ANAPC5: variants seen among roughly 807,000 people sequenced by gnomAD.
ANAPC5 encodes the protein anaphase-promoting complex subunit 5.
Under a neutral mutation model 91.3 loss-of-function variants are expected in ANAPC5, and 60 were observed. The ratio of observed to expected loss-of-function variants is 0.66; its 90% CI spans 0.53 to 0.81. The LOEUF (loss-of-function observed/expected upper bound fraction) is 0.81, where lower values mean the gene tolerates loss of function less well. Ranked by LOEUF, ANAPC5 falls within the 40% of genes least tolerant of loss-of-function variation. The pLI, the probability that ANAPC5 is intolerant of heterozygous loss-of-function variation, is 0.00. For missense variants in ANAPC5, 690 were observed against 931.5 expected, an observed-to-expected ratio of 0.74 and a Z score of 3.37; for synonymous variants, 340 against 364.1, an observed-to-expected ratio of 0.93 and a Z score of 0.75.
intron 15 of ANAPC5, among the ~76,000 whole-genome samples, chr12:121,310,804 C>T (rs1390124418): frequency 2.0e-5 from 3 of 151,572 alleles, no homozygotes; most frequent in African/African-American, 4.9e-5. Flanking sequence ...CATAGTGGCA[C>T]GCACCTGTAA....
rs1555272518 is a variant in ANAPC5, at chr12:121,328,319, C to T, written c.1301G>A (p.Arg434His). The T allele has an allele frequency of 4.3e-6, 7 of 1,613,542 alleles. No homozygotes were observed. Among genetic ancestry groups the T allele is most frequent in the Non-Finnish European group, 5.9e-6 (7 of 1,179,900 alleles). Residue 434 changes from arginine to histidine, a missense_variant, in exon 10 of 17, where the codon CGC (arginine) becomes CAC (histidine). Transcript: ENST00000261819. ...QKTAIWRLYG[R>H]STMALQQAQM... ...CCCAGGGCCTTGGGAGACCTACCTGCGGCCATACAGCCTCCAGATGGCCGT... is the reference window on the plus strand; with the variant it reads ...CCCAGGGCCTTGGGAGACCTACCTGTGGCCATACAGCCTCCAGATGGCCGT...
At chr12:121,351,007 G>A in intron 1 of ANAPC5, 1 of 413,370 alleles carries the variant, frequency 2.4e-6, no homozygotes, top group Non-Finnish European at 4.8e-6. Flanking sequence ...CCATTTTACA[G>A]AGAGAAAACT....
chr12:121,312,686 G>A (rs541203866), intron 15 of ANAPC5, among the ~76,000 whole-genome samples: 2 of 125,108 alleles, frequency 1.6e-5, no homozygotes, highest in Non-Finnish European at 3.1e-5. Context: ...CAGCCTAGGC[G>A]ACAGAGCGAG....
At chr12:121,314,589 G>A (rs550674893) in intron 15 of ANAPC5, among the ~76,000 whole-genome samples, 1 of 151,040 alleles carries the variant, frequency 6.6e-6, no homozygotes, top group Non-Finnish European at 1.5e-5. Flanking sequence ...AAGACTGAAC[G>A]CTTTCCCCCT....
intron 11 of ANAPC5, among the ~76,000 whole-genome samples, chr12:121,321,752 G>C (rs187491625): frequency 6.6e-6 from 1 of 152,012 alleles, no homozygotes; most frequent in Non-Finnish European, 1.5e-5. Flanking sequence ...TGGCCAGGCT[G>C]GTCTCAAACT....
chr12:121,308,821 G>A (rs950249799), intron 16 of ANAPC5, 130 bp from the exon 17 acceptor site: 1 of 811,566 alleles, frequency 1.2e-6, no homozygotes, highest in Non-Finnish European at 2.0e-6. Flanking sequence ...TTCTTTGAGA[G>A]AGAAAAAACA....
At chr12:121,335,884 C>T (rs1436385063) in intron 6 of ANAPC5, among the ~76,000 whole-genome samples, 161 bp from the exon 7 acceptor site, 1 of 152,164 alleles carries the variant, frequency 6.6e-6, no homozygotes, top group African/African-American at 2.4e-5. Context: ...CAGAATAAAA[C>T]AGCTTCAAGA....
At chr12:121,336,682 AAAAC>A (rs531759613) in intron 6 of ANAPC5, among the ~76,000 whole-genome samples, 2 of 152,216 alleles carry the variant, frequency 1.3e-5, no homozygotes, top group South Asian at 2.1e-4. Context: ...CTCAGTCTCC[AAAAC>A]AAACAAACAA....
intron 10 of ANAPC5, chr12:121,328,006 C>T: frequency 4.2e-6 from 1 of 239,552 alleles, no homozygotes; most frequent in Non-Finnish European, 8.2e-6. Context: ...CTTTCTCTGT[C>T]ACTTGTTAAC....
chr12:121,331,032 C>G, intron 8 of ANAPC5: 1 of 393,792 alleles, frequency 2.5e-6, no homozygotes, highest in Admixed American at 4.0e-5. Context: ...AGGACAACAT[C>G]TCACCCAGTT....
intron 2 of ANAPC5, 166 bp from the exon 3 acceptor site, chr12:121,347,171 T>G (rs1555274797): frequency 7.8e-6 from 4 of 515,764 alleles, no homozygotes; most frequent in Non-Finnish European, 1.4e-5. Context: ...GTTACTCCCG[T>G]ATTTCTGAAA....
intron 9 of ANAPC5, chr12:121,329,005 C>G (rs1902927835): frequency 6.6e-6 from 1 of 152,642 alleles, no homozygotes; most frequent in East Asian, 1.9e-4. Context: ...GAAAGCTCAA[C>G]TAAAAAATGC....
chr12:121,331,176 A>T, intron 8 of ANAPC5, 171 bp downstream of exon 8: 1 of 543,904 alleles, frequency 1.8e-6, no homozygotes, highest in East Asian at 2.9e-5. Context: ...ATGAATTAAG[A>T]AAGGTAAGTA....
upstream of ANAPC5, among the ~76,000 whole-genome samples, chr12:121,353,887 A>G (rs1903993674): frequency 6.6e-6 from 1 of 152,030 alleles, no homozygotes; most frequent in Non-Finnish European, 1.5e-5. Context: ...GCAGGGCAGG[A>G]GACCCCCTCG....
chr12:121,336,392 T>C (rs782635394), intron 6 of ANAPC5, among the ~76,000 whole-genome samples: 1 of 152,116 alleles, frequency 6.6e-6, no homozygotes. Flanking sequence ...AAAACTGTCA[T>C]TTAGGCTGGG....
Position 121,337,249 on chromosome 12 carries a change from C to A in ANAPC5, c.759+42G>T. ...AAACAAACAAAAAAAGTTGCCTTGT[C>A]ATTCCTTTCCAACACAGCAACAAAT... On this transcript the variant is annotated intron_variant, in intron 6 of 16. Transcript: ENST00000261819. 5 of 1,529,858 alleles carry A rather than the reference C, an allele frequency of 3.3e-6. No individual in the cohort carries two copies. In the South Asian group the frequency reaches 5.6e-5, roughly 17 times the overall value. 94.8% of individuals were successfully genotyped at this position (1,529,858 alleles called of 1,614,324 possible). A position where few individuals can be genotyped will look rare whatever the true frequency, so the allele number is the denominator to read the frequency against.
At chr12:121,324,589 T>C (rs1207477818) in intron 11 of ANAPC5, among the ~76,000 whole-genome samples, 6 of 152,162 alleles carry the variant, frequency 3.9e-5, no homozygotes, top group Non-Finnish European at 1.5e-5. Context: ...TGAACAAAGT[T>C]ACAAGGCTAA....
intron 11 of ANAPC5, chr12:121,320,723 C>T: frequency 4.0e-6 from 1 of 252,168 alleles, no homozygotes; most frequent in Non-Finnish European, 7.7e-6. Context: ...CTGCCTCAGC[C>T]TCCTGAGTAG....
In ANAPC5 at chr12:121,318,575, C is replaced by T. The variant is rs570601277; in HGVS notation, c.1671G>A (p.Met557Ile). 23 of 1,614,194 alleles carry T rather than the reference C, an allele frequency of 1.4e-5. No individual in the cohort carries two copies. The South Asian group carries it at 2.5e-4, about 18-fold the overall frequency. The change falls in exon 14 of 17, where the codon ATG becomes ATA. Residue 557 changes from methionine (M) to isoleucine (I), a missense_variant. Around this residue, in one of 5 missense-constraint regions of ANAPC5, gnomAD observed 317 missense variants for 438.7 expected, o/e 0.72. Coordinates refer to ENST00000261819, the MANE Select transcript of ANAPC5 (RefSeq NM_016237.5). The part of the protein sequence containing the change: ...KAVVLQAQNQ[M>I]SEAHKLLQKL... ...TTTGTAAAAGCTTATGTGCCTCTGACATTTGGTTCTGAGCTTGTAATACAA... is the reference window on the plus strand; with the variant it reads ...TTTGTAAAAGCTTATGTGCCTCTGATATTTGGTTCTGAGCTTGTAATACAA...
Sources: gnomAD v4.1 joint callset for allele counts (sites outside exome capture counted in the v4.1 genomes callset) on GRCh38, gnomAD v4.1.1 for gene constraint, gnomAD v4.1.1 regional missense constraint, MANE v1.5 for transcripts, NCBI Gene and HGNC (gene_info 2026-07-23, HGNC 2026-07-21) for gene names.